Variants in LRGUK observed in about 807,000 individuals in gnomAD.
LRGUK encodes leucine-rich repeat and guanylate kinase domain-containing protein.
A neutral mutation model predicts 76.0 loss-of-function variants in LRGUK; 65 were observed. The observed-to-expected ratio is 0.85, with a 90% confidence interval of 0.70 to 1.05. The LOEUF is 1.05. Among genes scored for constraint, LRGUK ranks in the 50% least tolerant of loss-of-function variants. LRGUK has a pLI of 0.00. For synonymous variants in LRGUK, 268 were observed against 265.6 expected (o/e 1.01, Z -0.09); for missense variants, 758 against 732.8 (o/e 1.03, Z -0.40).
At chr7:134,183,035 CT>C (rs1365180579) in intron 10 of LRGUK, among the ~76,000 whole-genome samples, 1 of 152,234 alleles carries the variant, frequency 6.6e-6, no homozygotes, top group Non-Finnish European at 1.5e-5. Flanking sequence ...GGATTACAGG[CT>C]TGAGCCATCG....
At chr7:134,261,712 G>T (rs992913711) in intron 19 of LRGUK, among the ~76,000 whole-genome samples, 1 of 152,172 alleles carries the variant, frequency 6.6e-6, no homozygotes, top group Non-Finnish European at 1.5e-5. Context: ...CTAACTTACA[G>T]GTCAGCAACC....
intron 18 of LRGUK, among the ~76,000 whole-genome samples, chr7:134,254,517 TC>T (rs2117218320): frequency 6.6e-6 from 1 of 151,796 alleles, no homozygotes; most frequent in East Asian, 1.9e-4. Context: ...TGTAGATGTG[TC>T]CTCTACACAA....
chr7:134,191,719 T>C, exon 12 of LRGUK: 1 of 1,612,702 alleles, frequency 6.2e-7, no homozygotes. Context: ...TCATTTTATC[T>C]CTCAAGACGT....
intron 18 of LRGUK, 33 bp downstream of exon 18, chr7:134,249,109 C>T: frequency 1.3e-6 from 2 of 1,525,626 alleles, no homozygotes; most frequent in Non-Finnish European, 1.8e-6. Flanking sequence ...ATGGAATTGG[C>T]TATTTTCTGC....
At chr7:134,234,253 G>T (rs1801967122) in intron 16 of LRGUK, among the ~76,000 whole-genome samples, 1 of 151,914 alleles carries the variant, frequency 6.6e-6, no homozygotes, top group Non-Finnish European at 1.5e-5. Flanking sequence ...AGATACCACA[G>T]TCTGCTGCAG....
intron 15 of LRGUK, among the ~76,000 whole-genome samples, chr7:134,206,250 C>T (rs756315233): frequency 4.6e-5 from 7 of 152,196 alleles, no homozygotes; most frequent in Non-Finnish European, 8.8e-5. Context: ...GGTGCGGTGG[C>T]TTACGCCTGT....
chr7:134,224,966 C>T (rs916726231), intron 16 of LRGUK, among the ~76,000 whole-genome samples: 8 of 151,546 alleles, frequency 5.3e-5, no homozygotes, highest in Non-Finnish European at 1.0e-4. Flanking sequence ...GCAGGAGAAT[C>T]GCTTGAACCA....
At chr7:134,258,448 A>G in intron 19 of LRGUK, 43 bp downstream of exon 19, 3 of 1,583,254 alleles carry the variant, frequency 1.9e-6, no homozygotes, top group Non-Finnish European at 2.6e-6. Context: ...CTGTAATCCC[A>G]GCACTTTGGG....
chr7:134,227,247 C>T (rs897149167), intron 16 of LRGUK, among the ~76,000 whole-genome samples: 4 of 151,980 alleles, frequency 2.6e-5, no homozygotes, highest in Non-Finnish European at 4.4e-5. Flanking sequence ...ACAATAACAT[C>T]GAAGTATGAG....
At chr7:134,127,532 C>T (rs773592512) in exon 1 of LRGUK, 2 of 1,614,082 alleles carry the variant, frequency 1.2e-6, no homozygotes, top group Admixed American at 1.7e-5. Flanking sequence ...GCAGCTCTAA[C>T]ATAGCCTCCT....
intron 16 of LRGUK, 38 bp downstream of exon 16, chr7:134,221,956 C>A: frequency 6.6e-7 from 1 of 1,515,374 alleles, no homozygotes; most frequent in Non-Finnish European, 8.8e-7. Context: ...CACAACTGAG[C>A]TCTATACAAT....
chr7:134,265,848 T>G (rs1802844913), downstream of LRGUK, among the ~76,000 whole-genome samples: 1 of 152,186 alleles, frequency 6.6e-6, no homozygotes, highest in South Asian at 2.1e-4. Context: ...TCCTTCCCAC[T>G]GGAGAGTATT....
chr7:134,199,140 C>A, intron 13 of LRGUK, 80 bp from the exon 14 acceptor site: 3 of 1,053,610 alleles, frequency 2.8e-6, no homozygotes, highest in South Asian at 1.4e-5. Flanking sequence ...ACTTCTTATA[C>A]CCATGTTGTC....
chr7:134,192,783 C>G (rs971151572), intron 12 of LRGUK, among the ~76,000 whole-genome samples: 2 of 152,166 alleles, frequency 1.3e-5, no homozygotes, highest in African/African-American at 2.4e-5. Flanking sequence ...TTGTTTCTAT[C>G]ACCAAGTAAA....
chr7:134,211,506 T>C (rs1445792358), downstream of LRGUK, among the ~76,000 whole-genome samples: 1 of 152,244 alleles, frequency 6.6e-6, no homozygotes, highest in Non-Finnish European at 1.5e-5. Context: ...TGTGGGAATC[T>C]TCTGTAGGGA....
chr7:134,229,391 T>TATCTA (rs1429701060), intron 16 of LRGUK, among the ~76,000 whole-genome samples: 3 of 151,836 alleles, frequency 2.0e-5, no homozygotes, highest in Non-Finnish European at 2.9e-5. Context: ...TCTATCTATC[T>TATCTA]ATCTATCTAT....
At chr7:134,202,342 G>A (rs1235734764) in intron 15 of LRGUK, among the ~76,000 whole-genome samples, 1 of 151,928 alleles carries the variant, frequency 6.6e-6, no homozygotes, top group African/African-American at 2.4e-5. Context: ...GAAATTAACA[G>A]GTGTTGGCAA....
At chr7:134,203,959 G>A (rs1800895293) in intron 15 of LRGUK, among the ~76,000 whole-genome samples, 1 of 152,106 alleles carries the variant, frequency 6.6e-6, no homozygotes, top group African/African-American at 2.4e-5. Flanking sequence ...TGCTCCTGTC[G>A]GGGCTGTACC....
chr7:134,136,896 TGG>T, intron 1 of LRGUK, 125 bp from the exon 2 acceptor site: 3 of 675,056 alleles, frequency 4.4e-6, no homozygotes, highest in Admixed American at 5.7e-5. Flanking sequence ...TTTTGGGGGT[TGG>T]TAAATTTTGG....
Sources: gnomAD v4.1 joint callset for allele counts (sites outside exome capture counted in the v4.1 genomes callset) on GRCh38, gnomAD v4.1.1 for gene constraint, MANE v1.5 for transcripts, NCBI Gene and HGNC (gene_info 2026-07-23, HGNC 2026-07-21) for gene names.